Variants in AK5 observed in about 807,000 individuals in gnomAD.
AK5 encodes the protein adenylate kinase isoenzyme 5.
In AK5, 27 loss-of-function variants were observed where a neutral mutation model predicts 69.5. That is an observed-to-expected ratio of 0.39 (90% CI 0.29 to 0.54). The LOEUF is 0.54. AK5 is among the 20% of genes least tolerant of loss of function. The probability of loss-of-function intolerance (pLI) is 0.71; values close to 1 mark genes in which losing one functional copy is unlikely to be tolerated. For missense variants in AK5, 531 were observed against 700.4 expected (o/e 0.76, Z 2.73); for synonymous variants, 260 against 244.4 (o/e 1.06, Z -0.60).
chr1:77,328,891 A>T (rs1264682252), intron 5 of AK5, among the ~76,000 whole-genome samples: 1 of 152,204 alleles, frequency 6.6e-6, no homozygotes, highest in East Asian at 1.9e-4. Context: ...AATATGGCTT[A>T]TGGTTCTTGA....
intron 8 of AK5, among the ~76,000 whole-genome samples, chr1:77,464,078 A>G (rs1653999266): frequency 6.6e-6 from 1 of 152,206 alleles, no homozygotes; most frequent in Non-Finnish European, 1.5e-5. Flanking sequence ...AGGACAGAGT[A>G]TTGTTGTAGC....
At chr1:77,524,844 T>C (rs1333307582) in intron 12 of AK5, among the ~76,000 whole-genome samples, 2 of 152,226 alleles carry the variant, frequency 1.3e-5, no homozygotes, top group South Asian at 4.1e-4. Flanking sequence ...CCTCCGTATT[T>C]TCTTCTAAAA....
intron 10 of AK5, among the ~76,000 whole-genome samples, chr1:77,488,242 G>GT (rs963774586): frequency 2.4e-4 from 36 of 152,150 alleles, no homozygotes; most frequent in Middle Eastern, 3.4e-3. Flanking sequence ...CTTATTTTAC[G>GT]TTTTTTTCAG....
At chr1:77,364,437 G>A (rs567301149) in intron 6 of AK5, among the ~76,000 whole-genome samples, 3 of 152,190 alleles carry the variant, frequency 2.0e-5, no homozygotes, top group South Asian at 4.2e-4. Flanking sequence ...GTTAACTATA[G>A]TCATCCTATA....
At chr1:77,394,680 T>C (rs1350374621) in intron 6 of AK5, among the ~76,000 whole-genome samples, 1 of 152,198 alleles carries the variant, frequency 6.6e-6, no homozygotes, top group Non-Finnish European at 1.5e-5. Flanking sequence ...CACACAGTAA[T>C]GTCACTTTCT....
intron 12 of AK5, among the ~76,000 whole-genome samples, chr1:77,527,333 G>A (rs904349364): frequency 3.3e-5 from 5 of 152,122 alleles, no homozygotes; most frequent in Admixed American, 1.3e-4. Context: ...CAGCCCATTG[G>A]TCTGTCCTCT....
At chr1:77,290,771 A>T (rs1658642849) in intron 2 of AK5, among the ~76,000 whole-genome samples, 1 of 152,188 alleles carries the variant, frequency 6.6e-6, no homozygotes, top group African/African-American at 2.4e-5. Context: ...CAATAAATTA[A>T]CCATTTATTG....
At chr1:77,435,298 T>C (rs891385577) in intron 8 of AK5, among the ~76,000 whole-genome samples, 21 of 152,154 alleles carry the variant, frequency 1.4e-4, no homozygotes, top group African/African-American at 4.6e-4. Flanking sequence ...GAAATGAAAT[T>C]ACCATCCTAA....
At chr1:77,287,184 C>A in intron 2 of AK5, 57 bp downstream of exon 2, 1 of 1,268,640 alleles carries the variant, frequency 7.9e-7, no homozygotes, top group Non-Finnish European at 1.0e-6. Flanking sequence ...CTCTTTAAAA[C>A]ATGCCATATA....
chr1:77,300,646 A>G (rs992531151), intron 5 of AK5, among the ~76,000 whole-genome samples: 2 of 152,168 alleles, frequency 1.3e-5, no homozygotes, highest in African/African-American at 4.8e-5. Flanking sequence ...CTGGGTGCCT[A>G]AGAATTCAGT....
At chr1:77,309,353 C>G (rs1659817599) in intron 5 of AK5, among the ~76,000 whole-genome samples, 1 of 152,142 alleles carries the variant, frequency 6.6e-6, no homozygotes, top group East Asian at 1.9e-4. Context: ...ATTCAACTAT[C>G]TGGTCCCAAC....
Position 77,412,802 on chromosome 1 carries a change from A to C in AK5, c.982+1731A>C, listed in dbSNP as rs191785476. 1.0e-3 allele frequency among the ~76,000 whole-genome samples: 153 copies of C among 152,046 alleles called. 1 individual carries two copies. The highest frequency in any genetic ancestry group is 6.7e-3 in the Admixed American group (102 of 15,286). ...ATATCGCCTCCTATGAATGGCATCC[A>C]ATTCTCTTTCTCTCACCTTGACCTT... On this transcript the variant is annotated intron_variant, in intron 7 of 13. Coordinates refer to ENST00000354567, the MANE Select transcript of AK5 (RefSeq NM_174858.3).
At chr1:77,299,821 A>G (rs965288303) in intron 5 of AK5, among the ~76,000 whole-genome samples, 5 of 151,662 alleles carry the variant, frequency 3.3e-5, no homozygotes, top group Non-Finnish European at 5.9e-5. Flanking sequence ...CTTGGTAGGT[A>G]CAAGCAGATG....
chr1:77,531,339 G>C lies in AK5; in HGVS notation c.1429-4508G>C, dbSNP rs1022184630. ...CCCAGCGGGTTGCCACTGCAGGCTA[G>C]GATCTGGCCCCACCCACATCCTGCT... is the stretch of plus-strand genomic sequence containing the variant. On this transcript the variant is annotated intron_variant, in intron 12 of 13. Coordinates refer to ENST00000354567, the MANE Select transcript of AK5 (RefSeq NM_174858.3). 6.6e-5 allele frequency among the ~76,000 whole-genome samples: 10 copies of C among 152,198 alleles called. 1 individual carries two copies.
At chr1:77,554,678 T>A (rs1167628506) in intron 13 of AK5, among the ~76,000 whole-genome samples, 2 of 152,062 alleles carry the variant, frequency 1.3e-5, no homozygotes, top group Non-Finnish European at 2.9e-5. Context: ...CGATCTCAGC[T>A]CACTGTCAGC....
At chr1:77,282,441 A>C in intron 1 of AK5, 68 bp downstream of exon 1, 3 of 1,503,616 alleles carry the variant, frequency 2.0e-6, no homozygotes, top group Non-Finnish European at 2.7e-6. Flanking sequence ...GGGTTGAGGC[A>C]GCCGCGCCCC....
At chr1:77,520,571 CA>C (rs1657923951) in intron 11 of AK5, among the ~76,000 whole-genome samples, 1 of 152,202 alleles carries the variant, frequency 6.6e-6, no homozygotes, top group Admixed American at 6.5e-5. Context: ...GCTGTGTCTG[CA>C]GCCTGATGCT....
chr1:77,340,477 A>G lies in AK5; in HGVS notation c.800A>G (p.Asn267Ser), dbSNP rs2100381821. 1 of 1,614,154 alleles carries G rather than the reference A, an allele frequency of 6.2e-7. No individual in the cohort carries two copies. Among genetic ancestry groups the G allele is most frequent in the East Asian group, 2.2e-5 (1 of 44,874 alleles). The change falls in exon 6 of 14, where the codon AAT (asparagine) becomes AGT (serine). Residue 267 changes from asparagine to serine, a missense_variant. Asn to Ser is a conservative substitution (Grantham distance 46, BLOSUM62 1). Coordinates refer to ENST00000354567, the MANE Select transcript of AK5 (RefSeq NM_174858.3). ...GAACAGCAGGGCCGACCAGACGACA[A>G]TGTAAAAGCTACCCAAAGGAGACTA... ...RAEQQGRPDD[N>S]VKATQRRLMN...
intron 8 of AK5, among the ~76,000 whole-genome samples, chr1:77,452,668 C>T (rs1341454805): frequency 6.6e-6 from 1 of 152,228 alleles, no homozygotes; most frequent in African/African-American, 2.4e-5. Flanking sequence ...TTCCATGGAA[C>T]AAGTTCACTC....
Sources: gnomAD v4.1 joint callset for allele counts (sites outside exome capture counted in the v4.1 genomes callset) on GRCh38, gnomAD v4.1.1 for gene constraint, MANE v1.5 for transcripts, NCBI Gene and HGNC (gene_info 2026-07-23, HGNC 2026-07-21) for gene names.